Variants in SLC9B2 observed in about 807,000 individuals in gnomAD.
The protein encoded by SLC9B2 is sodium/hydrogen exchanger 9B2.
SLC9B2 carries 39 observed loss-of-function variants against 52.2 expected under a neutral mutation model. That is an observed-to-expected ratio of 0.75 (90% CI 0.58 to 0.98). SLC9B2 has a LOEUF of 0.98. Ranked by LOEUF, SLC9B2 falls within the 50% of genes least tolerant of loss-of-function variation. SLC9B2 has a pLI of 0.00. For missense variants in SLC9B2, 626 were observed against 637.5 expected (o/e 0.98, Z 0.19); for synonymous variants, 214 against 227.0 (o/e 0.94, Z 0.51).
chr4:103,062,544 C>CCTT (rs1745757074), intron 3 of SLC9B2, among the ~76,000 whole-genome samples: 1 of 152,096 alleles, frequency 6.6e-6, no homozygotes, highest in Non-Finnish European at 1.5e-5. Flanking sequence ...TTCTCTAAAT[C>CCTT]ATGTTTAAAT....
intron 3 of SLC9B2, among the ~76,000 whole-genome samples, chr4:103,064,668 C>T (rs1745946524): frequency 6.6e-6 from 1 of 151,644 alleles, no homozygotes; most frequent in Admixed American, 6.6e-5. Context: ...ACGATAAATG[C>T]TTCATGTGTT....
At chr4:103,064,448 T>C (rs1273387642) in intron 3 of SLC9B2, among the ~76,000 whole-genome samples, 1 of 152,166 alleles carries the variant, frequency 6.6e-6, no homozygotes, top group Non-Finnish European at 1.5e-5. Context: ...AAAACAGTTG[T>C]TCATATGGAA....
intron 3 of SLC9B2, among the ~76,000 whole-genome samples, chr4:103,059,714 T>G (rs965476135): frequency 6.6e-6 from 1 of 152,166 alleles, no homozygotes; most frequent in Non-Finnish European, 1.5e-5. Context: ...CAGGAAAAAT[T>G]ATACACAAAA....
chr4:103,054,146 G>A (rs1347916681), intron 4 of SLC9B2, among the ~76,000 whole-genome samples: 1 of 152,078 alleles, frequency 6.6e-6, no homozygotes, highest in African/African-American at 2.4e-5. Context: ...ACATGTGCCT[G>A]TAGTCCCAGC....
chr4:103,054,543 T>C (rs1413486806), intron 4 of SLC9B2, among the ~76,000 whole-genome samples: 1 of 152,218 alleles, frequency 6.6e-6, no homozygotes, highest in Non-Finnish European at 1.5e-5. Flanking sequence ...TTGTGGGCTA[T>C]AAAGTCTCTG....
In SLC9B2 at chr4:103,059,619, G is replaced by A. The variant is rs895623792; in HGVS notation, c.272-1648C>T. Among the ~76,000 whole-genome samples, 3 of 152,232 alleles carry A rather than the reference G, an allele frequency of 2.0e-5. No homozygotes were observed. The East Asian group carries it at 5.8e-4, about 29-fold the overall frequency. ...TGCAGGGAAGGCTTTATCTTTAATTGTAAGAAAGCATATATTTGGTCTTTT... is the reference window on the plus strand; with the variant it reads ...TGCAGGGAAGGCTTTATCTTTAATTATAAGAAAGCATATATTTGGTCTTTT... On this transcript the variant is annotated intron_variant, in intron 3 of 11. Coordinates refer to ENST00000394785, the MANE Select transcript of SLC9B2 (RefSeq NM_178833.7).
At chr4:103,027,747 G>A (rs527371019) in intron 11 of SLC9B2, among the ~76,000 whole-genome samples, 3 of 152,212 alleles carry the variant, frequency 2.0e-5, no homozygotes, top group Admixed American at 6.5e-5. Flanking sequence ...TTGCTGTCCA[G>A]AGACCTTTTT....
intron 8 of SLC9B2, among the ~76,000 whole-genome samples, chr4:103,043,985 G>A (rs1194604162): frequency 6.6e-6 from 1 of 152,270 alleles, no homozygotes; most frequent in Non-Finnish European, 1.5e-5. Flanking sequence ...ACTGACAGTA[G>A]TTTTTGTTGC....
In SLC9B2 at chr4:103,023,448, C is replaced by G. The variant is rs980852808; in HGVS notation, c.*2922G>C. 3.3e-5 allele frequency among the ~76,000 whole-genome samples: 5 copies of G among 152,168 alleles called. No individual in the cohort carries two copies. Among genetic ancestry groups the G allele is most frequent in the Admixed American group, 3.3e-4 (5 of 15,288 alleles). On this transcript the variant is annotated 3_prime_UTR_variant, in exon 12 of 12. Transcript: ENST00000394785. ...TACTCTATCAGGTTAACCCTAAGTT[C>G]ACCAACCAAGTCAAGAGATGTGGCT...
At chr4:103,018,666 G>T (rs879710658), downstream of SLC9B2, among the ~76,000 whole-genome samples, 2 of 30,136 alleles carry the variant, frequency 6.6e-5, no homozygotes, top group African/African-American at 4.5e-4. Flanking sequence ...ACCCATAGAG[G>T]GGGAGTGAGG....
In SLC9B2 at chr4:103,072,056, G is replaced by GTTTTTTTTTTTCTTTTTTTTTTTTTTTTT. The variant is rs1746690609; in HGVS notation, c.-43+4127_-43+4128insAAAAAAAAAAAAAAAAAGAAAAAAAAAAA. On this transcript the variant is annotated intron_variant, in intron 1 of 11. Transcript: ENST00000394785. The stretch of plus-strand genomic sequence containing the variant: ...CAAAATTTTCAAGTTTGGCTTTCAT[G>GTTTTTTTTTTTCTTTTTTTTTTTTTTTTT]TTTTTTTTTTTTTTTTTTTTGAGGT... 2.1e-5 allele frequency among the ~76,000 whole-genome samples: 2 copies of GTTTTTTTTTTTCTTTTTTTTTTTTTTTTT among 95,306 alleles called. 1 individual carries two copies. Among genetic ancestry groups the GTTTTTTTTTTTCTTTTTTTTTTTTTTTTT allele is most frequent in the African/African-American group, 9.2e-5 (2 of 21,794 alleles). 62.5% of individuals were successfully genotyped at this position (95,306 alleles called of 152,430 possible).
chr4:103,022,364 TA>T lies in SLC9B2; in HGVS notation c.*4005del, dbSNP rs1229127943. Among the ~76,000 whole-genome samples the T allele has an allele frequency of 1.1e-4, 17 of 152,322 alleles. No homozygotes were observed. Among genetic ancestry groups the T allele is most frequent in the African/African-American group, 3.8e-4 (16 of 41,576 alleles). The stretch of plus-strand genomic sequence containing the variant: ...AAATTCTTCAATCTACATAGCATCA[TA>T]AAAGCCAAATATGAAATACTTATGT... On this transcript the variant is annotated 3_prime_UTR_variant, in exon 12 of 12. Coordinates refer to ENST00000394785, the MANE Select transcript of SLC9B2 (RefSeq NM_178833.7).
At chr4:103,043,153 C>A (rs559693273) in intron 9 of SLC9B2, 143 bp downstream of exon 9, 2 of 829,922 alleles carry the variant, frequency 2.4e-6, no homozygotes, top group Non-Finnish European at 3.5e-6. Flanking sequence ...AAGATGAACA[C>A]TGGGTGTACA....
At chr4:103,053,534 A>G (rs1002460878) in intron 4 of SLC9B2, among the ~76,000 whole-genome samples, 8 of 152,310 alleles carry the variant, frequency 5.3e-5, no homozygotes, top group African/African-American at 1.9e-4. Flanking sequence ...GCATGGAGTG[A>G]AAAAAAGACA....
In SLC9B2 at chr4:103,066,520, T is replaced by C; in HGVS notation, c.91-13A>G. On this transcript the variant is annotated splice_polypyrimidine_tract_variant and intron_variant, in intron 2 of 11. Transcript: ENST00000394785. Reference sequence around the variant, plus strand: ...TAACTGTCTCCTCCTGTGTTTAAAGTAATTTTAAAAATCCTTAAAACTGTA... The same window carrying C: ...TAACTGTCTCCTCCTGTGTTTAAAGCAATTTTAAAAATCCTTAAAACTGTA... The C allele has an allele frequency of 6.2e-7, 1 of 1,602,972 alleles. No homozygotes were observed. The highest frequency in any genetic ancestry group is 8.5e-7 in the Non-Finnish European group (1 of 1,176,072).
At chr4:103,041,959 T>C (rs1743683617) in intron 9 of SLC9B2, 1 of 152,208 alleles carries the variant, frequency 6.6e-6, no homozygotes, top group Non-Finnish European at 1.5e-5. Context: ...TAGTGCCTCA[T>C]ACAGAGCCAT....
chr4:103,055,620 C>T (rs79218191), intron 4 of SLC9B2, among the ~76,000 whole-genome samples: 2,318 of 151,310 alleles, frequency 0.015, 65 homozygotes, highest in African/African-American at 0.052. Flanking sequence ...TGAATGTTAG[C>T]GAATCCTGAT....
Position 103,026,401 on chromosome 4 carries a change from T to C in SLC9B2, c.1583A>G (p.Glu528Gly). 1 of 1,613,506 alleles carries C rather than the reference T, an allele frequency of 6.2e-7. No individual in the cohort carries two copies. The highest frequency in any genetic ancestry group is 1.7e-4 in the Middle Eastern group (1 of 6,050). The change falls in exon 12 of 12, where the codon GAA becomes GGA. Residue 528 changes from glutamate to glycine, a missense_variant. Transcript: ENST00000394785. ...TTGCACAGAAGTCTCTCCTTGAACT[T>C]CTTCATCTTTATTTTGATGTTCAAC... ...QKVEHQNKDE[E>G]VQGETSVQV
intron 4 of SLC9B2, among the ~76,000 whole-genome samples, chr4:103,056,990 TA>T (rs2110636517): frequency 6.6e-6 from 1 of 152,330 alleles, no homozygotes; most frequent in Non-Finnish European, 1.5e-5. Flanking sequence ...AAGTGACTTA[TA>T]CTATGACAAA....
Sources: allele counts gnomAD v4.1 joint callset (sites outside exome capture counted in the v4.1 genomes callset), GRCh38; gene constraint gnomAD v4.1.1; transcripts MANE v1.5; gene names NCBI Gene and HGNC (gene_info 2026-07-23, HGNC 2026-07-21).